Variants in MRFAP1L2 observed in about 807,000 individuals in gnomAD.
MRFAP1L2 encodes MORF4 family-associated protein 1-like protein UPP.
the MRFAP1L2 span, chr4:6,675,368 A>G: frequency 1.1e-4 from 17 of 152,164 alleles, no homozygotes; most frequent in African/African-American, 4.1e-4. Flanking sequence ...TTGGGGACTC[A>G]TGAGAGACTT....
chr4:6,674,209 C>T, the MRFAP1L2 span: 3 of 395,902 alleles, frequency 7.6e-6, no homozygotes, highest in Non-Finnish European at 8.9e-6. Context: ...GAGGCGGCGG[C>T]GTGATGCGGC....
the MRFAP1L2 span, chr4:6,675,418 G>C: frequency 6.6e-6 from 1 of 152,168 alleles, no homozygotes; most frequent in Admixed American, 6.5e-5. Flanking sequence ...CTACATGGTT[G>C]CAGCTGCCAC....
At chr4:6,675,132 C>T in the MRFAP1L2 span, 1 of 152,466 alleles carries the variant, frequency 6.6e-6, no homozygotes, top group Middle Eastern at 3.4e-3. Context: ...TTTCCAGTAC[C>T]ATCCTGGCGG....
At chr4:6,674,454 C>T in the MRFAP1L2 span, 1 of 660,052 alleles carries the variant, frequency 1.5e-6, no homozygotes, top group Non-Finnish European at 2.7e-6. Flanking sequence ...CGTGCGGAGG[C>T]TGAGGAGCGG....
At chr4:6,675,769 A>T in the MRFAP1L2 span, 1 of 152,208 alleles carries the variant, frequency 6.6e-6, no homozygotes, top group Non-Finnish European at 1.5e-5. Context: ...CCACAGATGC[A>T]TGTGACCTCT....
At chr4:6,674,454 C>A in the MRFAP1L2 span, 1 of 660,050 alleles carries the variant, frequency 1.5e-6, no homozygotes, top group Admixed American at 2.2e-5. Context: ...CGTGCGGAGG[C>A]TGAGGAGCGG....
the MRFAP1L2 span, chr4:6,674,624 G>A: frequency 1.0e-5 from 6 of 577,266 alleles, no homozygotes; most frequent in Non-Finnish European, 1.8e-5. Context: ...AGTGTCCCGC[G>A]TGGAAGGCGC....
chr4:6,674,101 A>T, the MRFAP1L2 span: 1 of 383,946 alleles, frequency 2.6e-6, no homozygotes, highest in Non-Finnish European at 4.6e-6. Context: ...CTCGCTGCGG[A>T]AAGTTGGGGC....
At chr4:6,674,401 G>T in the MRFAP1L2 span, 39 of 654,544 alleles carry the variant, frequency 6.0e-5, no homozygotes, top group African/African-American at 6.1e-4. Context: ...AGAGTGAGGT[G>T]GAGGCAGAGG....
the MRFAP1L2 span, chr4:6,674,925 C>A: frequency 3.2e-5 from 7 of 215,588 alleles, no homozygotes; most frequent in African/African-American, 1.6e-4. Flanking sequence ...TTGTTTGACT[C>A]CCGGATATGA....
chr4:6,674,649 G>T, the MRFAP1L2 span: 4 of 551,128 alleles, frequency 7.3e-6, no homozygotes. Flanking sequence ...TAGGCAGGGA[G>T]GGGAGCGCAG....
chr4:6,674,195 G>T, the MRFAP1L2 span: 1 of 393,586 alleles, frequency 2.5e-6, no homozygotes, highest in South Asian at 9.3e-5. Flanking sequence ...CCCGCGGGCT[G>T]GAAGAGGCGG....
At chr4:6,674,301 A>G in the MRFAP1L2 span, 1 of 577,760 alleles carries the variant, frequency 1.7e-6, no homozygotes, top group South Asian at 1.9e-5. Context: ...GGCCGCGAGA[A>G]CCTGGCCTCC....
At chr4:6,675,586 T>G in the MRFAP1L2 span, 3 of 151,948 alleles carry the variant, frequency 2.0e-5, no homozygotes, top group African/African-American at 4.8e-5. Context: ...GGGTGTTTTG[T>G]TTTTTTTGTT....
chr4:6,674,864 G>A, the MRFAP1L2 span: 1 of 348,010 alleles, frequency 2.9e-6, no homozygotes, highest in East Asian at 4.8e-5. Context: ...AGATTGGAGC[G>A]TTTGCGATGA....
chr4:6,674,577 G>A, the MRFAP1L2 span: 4 of 633,142 alleles, frequency 6.3e-6, no homozygotes, highest in South Asian at 5.1e-5. Context: ...TGCTGAGCCG[G>A]CGAGGCCGCG....
At chr4:6,674,896 T>C in the MRFAP1L2 span, 1 of 272,390 alleles carries the variant, frequency 3.7e-6, no homozygotes, top group Non-Finnish European at 6.9e-6. Context: ...GTGGAAGCAT[T>C]GTGCACAGGT....
At chr4:6,674,472 G>C in the MRFAP1L2 span, 1 of 663,338 alleles carries the variant, frequency 1.5e-6, no homozygotes, top group Non-Finnish European at 2.7e-6. Flanking sequence ...CGGGTGGCTC[G>C]GCTGTGCGCC....
At chr4:6,674,837 G>A in the MRFAP1L2 span, 2 of 414,362 alleles carry the variant, frequency 4.8e-6, no homozygotes, top group Admixed American at 4.5e-5. Context: ...TGCTGGAAAC[G>A]TGTGAATGTT....
Sources: gnomAD v4.1 joint callset for allele counts on GRCh38, gnomAD v4.1.1 for gene constraint, MANE v1.5 for transcripts, NCBI Gene and HGNC (gene_info 2026-07-23, HGNC 2026-07-21) for gene names.